PELI2: variants seen among roughly 807,000 people sequenced by gnomAD.
The protein encoded by PELI2 is pellino E3 ubiquitin protein ligase family member 2.
Under a neutral mutation model 42.3 loss-of-function variants are expected in PELI2, and 23 were observed. The ratio of observed to expected loss-of-function variants is 0.54; its 90% CI spans 0.39 to 0.77. The LOEUF (loss-of-function observed/expected upper bound fraction) is 0.77. PELI2 is among the 30% of genes least tolerant of loss of function. PELI2 has a pLI of 0.00. For missense variants in PELI2, 463 were observed against 553.2 expected, an observed-to-expected ratio of 0.84 and a Z score of 1.64; for synonymous variants, 245 against 212.2, an observed-to-expected ratio of 1.15 and a Z score of -1.34.
At chr14:56,256,469 T>A (rs1356423642) in intron 2 of PELI2, among the ~76,000 whole-genome samples, 1 of 151,650 alleles carries the variant, frequency 6.6e-6, no homozygotes, top group Non-Finnish European at 1.5e-5. Context: ...AAAAAAAAAA[T>A]ACCATTAACT....
rs569092183 is a variant in PELI2 at position 56,194,610 on chromosome 14, G to A, written c.207+16146G>A. On this transcript the variant is annotated intron_variant, in intron 2 of 5. Coordinates refer to ENST00000267460, the MANE Select transcript of PELI2 (RefSeq NM_021255.3). ...CTTAAGTGCTAAATATACTTTGAAGGTAATGTGGAACCCTCTCTCCATCAC... is the reference window on the plus strand; with the variant it reads ...CTTAAGTGCTAAATATACTTTGAAGATAATGTGGAACCCTCTCTCCATCAC... 5.3e-5 allele frequency among the ~76,000 whole-genome samples: 8 copies of A among 152,272 alleles called. No individual in the cohort carries two copies. In the South Asian group the frequency reaches 1.5e-3, roughly 28 times the overall value.
chr14:56,297,138 A>G lies in PELI2; in HGVS notation c.1235A>G (p.Lys412Arg), dbSNP rs1213741648. 2 of 1,601,690 alleles carry G rather than the reference A, an allele frequency of 1.2e-6. No homozygotes were observed. Among genetic ancestry groups the G allele is most frequent in the East Asian group, 2.2e-5 (1 of 44,848 alleles). ...TQLVGEQNCIKLIFQGPID is the reference protein window; with the variant it reads ...TQLVGEQNCIRLIFQGPID ...CTGGTTGGGGAGCAAAACTGCATCA[A>G]ATTAATTTTCCAAGGTCCAATTGAC... The change falls in exon 6 of 6, where the codon AAA becomes AGA. Residue 412 changes from lysine to arginine, a missense_variant. Lys to Arg is a conservative substitution (Grantham distance 26, BLOSUM62 2). Coordinates refer to ENST00000267460, the MANE Select transcript of PELI2 (RefSeq NM_021255.3).
At chr14:56,182,454 G>A (rs966243301) in intron 2 of PELI2, among the ~76,000 whole-genome samples, 4 of 152,110 alleles carry the variant, frequency 2.6e-5, no homozygotes, top group African/African-American at 9.7e-5. Flanking sequence ...TGCCTAATAG[G>A]AAATATTTTG....
intron 2 of PELI2, among the ~76,000 whole-genome samples, chr14:56,236,177 T>A (rs1478301438): frequency 6.6e-6 from 1 of 152,244 alleles, no homozygotes; most frequent in Non-Finnish European, 1.5e-5. Context: ...CACTTTTAAT[T>A]ACTCTAGTAT....
chr14:56,139,824 C>T (rs1249414616), intron 1 of PELI2, among the ~76,000 whole-genome samples: 1 of 151,602 alleles, frequency 6.6e-6, no homozygotes, highest in Non-Finnish European at 1.5e-5. Context: ...ATTCGGCAGT[C>T]TTTATAGCTG....
intron 2 of PELI2, among the ~76,000 whole-genome samples, chr14:56,253,832 GA>G (rs924428887): frequency 5.9e-5 from 9 of 151,500 alleles, no homozygotes; most frequent in African/African-American, 1.9e-4. Flanking sequence ...ACAGAATTGG[GA>G]AAAAAAACTA....
intron 3 of PELI2, among the ~76,000 whole-genome samples, chr14:56,283,968 C>T (rs1247575589): frequency 1.3e-5 from 2 of 152,192 alleles, no homozygotes; most frequent in Non-Finnish European, 2.9e-5. Flanking sequence ...TGACAAAAAT[C>T]ACTGAGCAAA....
chr14:56,219,090 AG>A lies in PELI2; in HGVS notation c.207+40629del, dbSNP rs1244232827. Among the ~76,000 whole-genome samples, 2 of 152,146 alleles carry A rather than the reference AG, an allele frequency of 1.3e-5. No individual in the cohort carries two copies. The highest frequency in any genetic ancestry group is 4.8e-5 in the African/African-American group (2 of 41,404). On this transcript the variant is annotated intron_variant, in intron 2 of 5. Coordinates refer to ENST00000267460, the MANE Select transcript of PELI2 (RefSeq NM_021255.3). This position sits in a 1 kb window ranked among gnomAD's most constrained non-coding sequence, Gnocchi z 4.1. Reference sequence around the variant, plus strand: ...TCTAAGAATAAACAGAACCCTAGGAAGGGAAGGTAGCTTCAAATACAAGCCA... The same window carrying A: ...TCTAAGAATAAACAGAACCCTAGGAAGGAAGGTAGCTTCAAATACAAGCCA...
chr14:56,199,706 A>G (rs1886262888), intron 2 of PELI2, among the ~76,000 whole-genome samples: 1 of 152,224 alleles, frequency 6.6e-6, no homozygotes, highest in African/African-American at 2.4e-5. Context: ...TAAACGGATA[A>G]GATACAAGTT....
At chr14:56,165,762 G>A (rs561978301) in intron 1 of PELI2, among the ~76,000 whole-genome samples, 2 of 152,084 alleles carry the variant, frequency 1.3e-5, no homozygotes, top group East Asian at 3.9e-4. Flanking sequence ...TCGTTATATA[G>A]TGACCGTCTT....
At chr14:56,129,191 A>T (rs538809283) in intron 1 of PELI2, among the ~76,000 whole-genome samples, 2 of 152,340 alleles carry the variant, frequency 1.3e-5, no homozygotes, top group African/African-American at 4.8e-5. Context: ...AGGCAGTGTC[A>T]GCCTTCTGAG....
At chr14:56,124,770 A>G (rs1883189952) in intron 1 of PELI2, among the ~76,000 whole-genome samples, 1 of 152,174 alleles carries the variant, frequency 6.6e-6, no homozygotes, top group South Asian at 2.1e-4. Flanking sequence ...CACGATGGAG[A>G]TAAGAGGGAA....
chr14:56,155,819 G>A (rs545322794), intron 1 of PELI2, among the ~76,000 whole-genome samples: 1 of 152,110 alleles, frequency 6.6e-6, no homozygotes, highest in East Asian at 1.9e-4. Flanking sequence ...TCTTGACCTC[G>A]TGATCCGCCC....
At position 56,226,869 on chromosome 14, in the gene PELI2, T is replaced by C. The variant is rs182101703; in HGVS notation, c.207+48405T>C. Among the ~76,000 whole-genome samples the C allele has an allele frequency of 1.2e-3, 185 of 152,334 alleles. 2 individuals are homozygous for C. Among genetic ancestry groups the C allele is most frequent in the African/African-American group, 4.2e-3 (174 of 41,582 alleles). ...TAGCACTTTAAAAACTCATGTTTGG[T>C]GATAATCAAATTTTGCAGAACATGT... On this transcript the variant is annotated intron_variant, in intron 2 of 5. Coordinates refer to ENST00000267460, the MANE Select transcript of PELI2 (RefSeq NM_021255.3).
chr14:56,226,686 C>T (rs1313060392), intron 2 of PELI2, among the ~76,000 whole-genome samples: 1 of 152,194 alleles, frequency 6.6e-6, no homozygotes, highest in Non-Finnish European at 1.5e-5. Flanking sequence ...CTGTTGGAAA[C>T]TTTTCGAATG....
chr14:56,239,960 A>G (rs1887918080), intron 2 of PELI2, among the ~76,000 whole-genome samples: 1 of 152,170 alleles, frequency 6.6e-6, no homozygotes. Context: ...AAAGAGTAGG[A>G]TTTGGAGATG....
In PELI2 at chr14:56,249,386, T is replaced by C. The variant is rs144528559; in HGVS notation, c.208-30290T>C. Among the ~76,000 whole-genome samples the C allele has an allele frequency of 3.9e-3, 588 of 152,276 alleles. 4 individuals carry two copies. The highest frequency in any genetic ancestry group is 0.014 in the African/African-American group (574 of 41,558). On this transcript the variant is annotated intron_variant, in intron 2 of 5. Coordinates refer to ENST00000267460, the MANE Select transcript of PELI2 (RefSeq NM_021255.3). ...TTGGTTATTCTTATTTACATGTTTG[T>C]TAACATCAGTGTGAAAGCCTCTCCT...
chr14:56,158,324 GC>G (rs1191774113), intron 1 of PELI2, among the ~76,000 whole-genome samples: 1 of 151,626 alleles, frequency 6.6e-6, no homozygotes, highest in Non-Finnish European at 1.5e-5. Flanking sequence ...TGCCGTGCCT[GC>G]CCAAGATTCT....
At chr14:56,238,084 A>T (rs2139787081) in intron 2 of PELI2, among the ~76,000 whole-genome samples, 1 of 151,632 alleles carries the variant, frequency 6.6e-6, no homozygotes, top group East Asian at 1.9e-4. Context: ...TCTTGAATAG[A>T]AAATTATCTA....
Sources: allele counts gnomAD v4.1 joint callset (sites outside exome capture counted in the v4.1 genomes callset), GRCh38; gene constraint gnomAD v4.1.1; non-coding constraint Gnocchi (gnomAD v3.1); transcripts MANE v1.5; gene names NCBI Gene and HGNC (gene_info 2026-07-23, HGNC 2026-07-21).